Variants in RGS7 observed in about 807,000 individuals in gnomAD.
RGS7 encodes regulator of G-protein signaling 7.
A neutral mutation model predicts 81.1 loss-of-function variants in RGS7; 27 were observed. The observed-to-expected ratio is 0.33, with a 90% CI of 0.25 to 0.46. RGS7 has a LOEUF of 0.46. RGS7 is among the 20% of genes least tolerant of loss of function. RGS7 has a pLI of 1.00. For synonymous variants in RGS7, 208 were observed against 207.7 expected, an observed-to-expected ratio of 1.00 and a Z score of -0.01; for missense variants, 396 against 607.4, an observed-to-expected ratio of 0.65 and a Z score of 3.66.
intron 6 of RGS7, among the ~76,000 whole-genome samples, chr1:240,884,094 A>T (rs1002384700): frequency 1.3e-5 from 2 of 150,362 alleles, no homozygotes; most frequent in South Asian, 2.1e-4. Flanking sequence ...AAAAAAAAAA[A>T]AAAAAAAAAA....
intron 2 of RGS7, among the ~76,000 whole-genome samples, chr1:241,115,557 T>C (rs2065834696): frequency 1.3e-5 from 2 of 152,200 alleles, no homozygotes; most frequent in South Asian, 4.1e-4. Flanking sequence ...TCTCCCCCAT[T>C]GTATGTGTAT....
intron 2 of RGS7, among the ~76,000 whole-genome samples, chr1:241,294,512 G>C (rs1384594834): frequency 2.0e-5 from 3 of 152,122 alleles, no homozygotes; most frequent in Non-Finnish European, 4.4e-5. Context: ...ATTTATTATT[G>C]AAGAAAAGGA....
At chr1:241,183,524 G>A (rs1003481134) in intron 2 of RGS7, among the ~76,000 whole-genome samples, 1 of 152,196 alleles carries the variant, frequency 6.6e-6, no homozygotes, top group Non-Finnish European at 1.5e-5. Flanking sequence ...AAGTAGATGG[G>A]TGGGTCAGGT....
intron 2 of RGS7, among the ~76,000 whole-genome samples, chr1:241,329,400 AC>A (rs757315838): frequency 1.1e-4 from 17 of 152,208 alleles, no homozygotes; most frequent in East Asian, 3.8e-4. Flanking sequence ...TTGGTTGCTT[AC>A]GGAGTTTAAA....
chr1:241,298,354 T>C (rs2079544338), intron 2 of RGS7, among the ~76,000 whole-genome samples: 1 of 152,246 alleles, frequency 6.6e-6, no homozygotes, highest in Admixed American at 6.5e-5. Flanking sequence ...TAGTAATCTG[T>C]GTGAAGACTT....
chr1:241,174,374 G>A (rs940197583), intron 2 of RGS7, among the ~76,000 whole-genome samples: 1 of 152,198 alleles, frequency 6.6e-6, no homozygotes, highest in South Asian at 2.1e-4. Flanking sequence ...TTTGTCCAAA[G>A]TGTGATTTTG....
At chr1:241,031,407 T>C (rs191483546) in intron 3 of RGS7, among the ~76,000 whole-genome samples, 2 of 152,346 alleles carry the variant, frequency 1.3e-5, no homozygotes, top group East Asian at 3.9e-4. Context: ...TTACATATCT[T>C]TGCTGTTGTG....
chr1:241,335,365 C>T (rs530420370), intron 2 of RGS7, among the ~76,000 whole-genome samples: 72 of 152,208 alleles, frequency 4.7e-4, no homozygotes, highest in Non-Finnish European at 8.2e-4. Flanking sequence ...ACTCTGTGGG[C>T]AATTCAATGG....
intron 2 of RGS7, among the ~76,000 whole-genome samples, chr1:241,256,427 A>G (rs1309173881): frequency 6.6e-6 from 1 of 152,196 alleles, no homozygotes; most frequent in Non-Finnish European, 1.5e-5. Context: ...CTTCACTGTC[A>G]ATCATTGAGG....
intron 3 of RGS7, among the ~76,000 whole-genome samples, chr1:241,077,790 T>C (rs971837424): frequency 3.3e-5 from 5 of 151,696 alleles, no homozygotes; most frequent in African/African-American, 1.2e-4. Flanking sequence ...AATAATTGAG[T>C]CTCCAAAAAA....
chr1:240,878,542 A>G (rs1222723640), intron 6 of RGS7, among the ~76,000 whole-genome samples: 1 of 88,418 alleles, frequency 1.1e-5, no homozygotes, highest in African/African-American at 4.4e-5. Flanking sequence ...TAATTTGCTG[A>G]TTTTTCTATT....
intron 2 of RGS7, among the ~76,000 whole-genome samples, chr1:241,196,288 T>C (rs1056731176): frequency 6.6e-6 from 1 of 151,920 alleles, no homozygotes; most frequent in African/African-American, 2.4e-5. Context: ...AATAAAAGCA[T>C]TTTCACACAA....
At chr1:241,175,346 G>A (rs1232602560) in intron 2 of RGS7, among the ~76,000 whole-genome samples, 1 of 152,108 alleles carries the variant, frequency 6.6e-6, no homozygotes, top group African/African-American at 2.4e-5. Flanking sequence ...AGATGAGTTC[G>A]CTGCTACAGT....
intron 3 of RGS7, among the ~76,000 whole-genome samples, chr1:241,067,101 T>C (rs534884560): frequency 7.6e-4 from 113 of 149,114 alleles, no homozygotes; most frequent in Non-Finnish European, 1.1e-3. Context: ...AAAGCTGTAA[T>C]AGTTACATGA....
At chr1:241,034,550 G>T (rs2060238279) in intron 3 of RGS7, among the ~76,000 whole-genome samples, 1 of 152,176 alleles carries the variant, frequency 6.6e-6, no homozygotes, top group South Asian at 2.1e-4. Context: ...ATGACAAAGA[G>T]TCATGAGACA....
intron 10 of RGS7, among the ~76,000 whole-genome samples, chr1:240,821,328 T>A (rs1323611347): frequency 6.6e-6 from 1 of 152,116 alleles, no homozygotes; most frequent in Non-Finnish European, 1.5e-5. Context: ...GGCACATGCC[T>A]GTAGTCCCAG....
intron 6 of RGS7, 143 bp downstream of exon 6, chr1:240,930,574 T>G (rs1572822313): frequency 2.4e-6 from 2 of 822,392 alleles, no homozygotes; most frequent in East Asian, 5.0e-5. Flanking sequence ...ACAAAGCCGC[T>G]TATCAATTCA....
intron 4 of RGS7, among the ~76,000 whole-genome samples, chr1:240,957,648 G>T (rs375832811): frequency 1.3e-5 from 2 of 152,204 alleles, no homozygotes; most frequent in South Asian, 4.1e-4. Flanking sequence ...ATTAATGTAT[G>T]TTAACTTCTT....
intron 2 of RGS7, among the ~76,000 whole-genome samples, chr1:241,106,770 A>ACACACACACACACACACACACACCCC (rs1439413513): frequency 2.0e-3 from 296 of 149,492 alleles, no homozygotes; most frequent in African/African-American, 6.9e-3. Flanking sequence ...ACACACACAC[A>ACACACACACACACACACACACACCCC]CACACACACA....
Sources: allele counts gnomAD v4.1 joint callset (sites outside exome capture counted in the v4.1 genomes callset), GRCh38; gene constraint gnomAD v4.1.1; transcripts MANE v1.5; gene names NCBI Gene and HGNC (gene_info 2026-07-23, HGNC 2026-07-21).